Variants in CCDC33 observed in about 807,000 individuals in gnomAD.
CCDC33 encodes the protein coiled-coil domain containing 33, also known as coiled-coil domain-containing protein 33.
Under a neutral mutation model 91.9 loss-of-function variants are expected in CCDC33, and 94 were observed. The observed-to-expected ratio is 1.02, with a 90% CI of 0.87 to 1.21. The LOEUF (loss-of-function observed/expected upper bound fraction) is 1.21, where lower values mean the gene tolerates loss of function less well. Ranked by LOEUF, CCDC33 falls within the 50% of genes most tolerant of loss-of-function variation. CCDC33 has a pLI of 0.00. For synonymous variants in CCDC33, 396 were observed against 374.5 expected (o/e 1.06, Z -0.66); for missense variants, 940 against 935.5 (o/e 1.00, Z -0.06).
chr15:74,306,697 T>C (rs946755567), intron 11 of CCDC33, among the ~76,000 whole-genome samples: 1 of 151,880 alleles, frequency 6.6e-6, no homozygotes, highest in Admixed American at 6.6e-5. Context: ...GTCTTAGCGG[T>C]GTGGAGGAAA....
At chr15:74,231,545 AG>A (rs2074971330), upstream of CCDC33, among the ~76,000 whole-genome samples, 2 of 152,072 alleles carry the variant, frequency 1.3e-5, no homozygotes, top group Admixed American at 1.3e-4. Flanking sequence ...TTCTGGAGAG[AG>A]GAAAGGAGAG....
At chr15:74,333,360 T>C (rs1251835773) in intron 16 of CCDC33, 1 of 1,491,100 alleles carries the variant, frequency 6.7e-7, no homozygotes, top group South Asian at 1.2e-5. Context: ...CAGGCCCTGC[T>C]CCACCTCTGA....
intron 1 of CCDC33, among the ~76,000 whole-genome samples, chr15:74,242,322 G>T (rs58029965): frequency 6.6e-6 from 1 of 152,072 alleles, no homozygotes; most frequent in African/African-American, 2.4e-5. Flanking sequence ...CTCAGGAGCC[G>T]GCCATTCTGA....
At chr15:74,235,151 C>G (rs2075108787), upstream of CCDC33, among the ~76,000 whole-genome samples, 1 of 152,202 alleles carries the variant, frequency 6.6e-6, no homozygotes, top group Non-Finnish European at 1.5e-5. Context: ...GCCCCCAGCC[C>G]CAGAGCCCCA....
At chr15:74,315,677 T>A (rs911167136) in intron 11 of CCDC33, among the ~76,000 whole-genome samples, 1 of 152,116 alleles carries the variant, frequency 6.6e-6, no homozygotes, top group African/African-American at 2.4e-5. Context: ...GCAGAATGGA[T>A]CTGCAGAGAT....
intron 11 of CCDC33, among the ~76,000 whole-genome samples, chr15:74,308,050 G>C (rs2059923374): frequency 6.6e-6 from 1 of 152,090 alleles, no homozygotes; most frequent in Non-Finnish European, 1.5e-5. Context: ...AGTTACCCAG[G>C]GTGAGGTCTA....
intron 1 of CCDC33, among the ~76,000 whole-genome samples, chr15:74,240,728 G>C (rs1055836163): frequency 6.6e-6 from 1 of 152,160 alleles, no homozygotes; most frequent in Admixed American, 6.5e-5. Context: ...GAATAGCTGG[G>C]ATTACAGCCT....
chr15:74,219,027 A>T (rs574584947), intron 2 of CCDC33, among the ~76,000 whole-genome samples: 3 of 152,344 alleles, frequency 2.0e-5, no homozygotes, highest in African/African-American at 7.2e-5. Context: ...GAGGATGGAC[A>T]TGGGAGTCCC....
intron 11 of CCDC33, among the ~76,000 whole-genome samples, chr15:74,298,998 AC>A (rs1237518024): frequency 1.3e-5 from 2 of 152,158 alleles, no homozygotes; most frequent in Non-Finnish European, 2.9e-5. Context: ...GACCTGAGCC[AC>A]CACACCCAGC....
At chr15:74,216,157 C>T (rs1484794305), upstream of CCDC33, among the ~76,000 whole-genome samples, 2 of 152,094 alleles carry the variant, frequency 1.3e-5, no homozygotes, top group Non-Finnish European at 2.9e-5. Context: ...GCTCCAAGAC[C>T]TCAGACCTGG....
intron 11 of CCDC33, among the ~76,000 whole-genome samples, chr15:74,306,776 G>A (rs1048991481): frequency 6.6e-6 from 1 of 152,214 alleles, no homozygotes; most frequent in African/African-American, 2.4e-5. Flanking sequence ...CAGAAGATCA[G>A]GCTCAGAGGA....
rs77477540 is a variant in CCDC33, at chr15:74,278,572, G to A, written c.760-1391G>A. Among the ~76,000 whole-genome samples, 1,011 of 152,352 alleles carry A rather than the reference G, an allele frequency of 6.6e-3. 10 individuals are homozygous for A. The highest frequency in any genetic ancestry group is 0.023 in the African/African-American group (952 of 41,578). On this transcript the variant is annotated intron_variant, in intron 7 of 18. Coordinates refer to ENST00000398814, the MANE Select transcript of CCDC33 (RefSeq NM_025055.5). ...CTCCCACCTTCTGGCCTTGGCAGAT[G>A]CTGGGCCTCCCCCTGGAGTCTCTCC...
intron 11 of CCDC33, among the ~76,000 whole-genome samples, chr15:74,309,124 CA>C (rs879303168): frequency 1.1e-4 from 17 of 152,240 alleles, no homozygotes; most frequent in East Asian, 1.9e-4. Context: ...GTCCCAAGCC[CA>C]AATCTAGACA....
At chr15:74,209,118 A>C in intron 1 of CCDC33, 2 of 1,313,422 alleles carry the variant, frequency 1.5e-6, no homozygotes, top group South Asian at 2.1e-5. Flanking sequence ...TGATTCCGGG[A>C]TCAGAGGAAC....
intron 11 of CCDC33, among the ~76,000 whole-genome samples, chr15:74,298,375 A>G (rs1442589209): frequency 6.6e-6 from 1 of 152,160 alleles, no homozygotes; most frequent in Non-Finnish European, 1.5e-5. Context: ...TCTGAGAGGT[A>G]GGCAATATAA....
rs1178597700 is a variant in CCDC33 at position 74,268,254 on chromosome 15, T to C, written c.430-88T>C. The stretch of plus-strand genomic sequence containing the variant: ...GCCCCAGCGGAGCAATGCCAAGTGA[T>C]TGTCTGCAGAGGGCTGGATTTATGG... On this transcript the variant is annotated intron_variant, in intron 4 of 18. Coordinates refer to ENST00000398814, the MANE Select transcript of CCDC33 (RefSeq NM_025055.5). 6 of 923,182 alleles carry C rather than the reference T, an allele frequency of 6.5e-6. No homozygotes were observed. In the African/African-American group the frequency reaches 8.1e-5, roughly 12 times the overall value. 57.2% of individuals were successfully genotyped at this position (923,182 alleles called of 1,614,324 possible). A position where few individuals can be genotyped will look rare whatever the true frequency, so the allele number is the denominator to read the frequency against.
chr15:74,285,155 C>T (rs1177589543), intron 10 of CCDC33, among the ~76,000 whole-genome samples: 11 of 152,064 alleles, frequency 7.2e-5, no homozygotes, highest in East Asian at 3.9e-4. Flanking sequence ...AATGAATGCG[C>T]GTGCCGTATT....
chr15:74,321,250 T>A (rs1349839069), intron 11 of CCDC33, among the ~76,000 whole-genome samples: 1 of 151,864 alleles, frequency 6.6e-6, no homozygotes, highest in Non-Finnish European at 1.5e-5. Context: ...TATCTTATTT[T>A]ATTTATTTAT....
chr15:74,210,601 CT>C (rs1402780556), intron 2 of CCDC33, among the ~76,000 whole-genome samples: 1 of 152,192 alleles, frequency 6.6e-6, no homozygotes, highest in Non-Finnish European at 1.5e-5. Flanking sequence ...GGATTTTTCA[CT>C]TGTTTGAAAT....
Sources: gnomAD v4.1 joint callset for allele counts (sites outside exome capture counted in the v4.1 genomes callset) on GRCh38, gnomAD v4.1.1 for gene constraint, MANE v1.5 for transcripts, NCBI Gene and HGNC (gene_info 2026-07-23, HGNC 2026-07-21) for gene names.